Variants in KANSL1 observed in about 807,000 individuals in gnomAD.
The protein encoded by KANSL1 is KAT8 regulatory NSL complex subunit 1.
A neutral mutation model predicts 103.6 loss-of-function variants in KANSL1; 22 were observed. That is an observed-to-expected ratio of 0.21 (90% CI 0.15 to 0.30). The LOEUF (loss-of-function observed/expected upper bound fraction) is 0.30, where lower values mean the gene tolerates loss of function less well. KANSL1 is among the 10% of genes least tolerant of loss of function. KANSL1 has a pLI of 1.00. For missense variants in KANSL1, 1,337 were observed against 1,399.8 expected (o/e 0.96, Z 0.72); for synonymous variants, 600 against 527.6 (o/e 1.14, Z -1.88).
At chr17:46,036,968 G>A (rs1332998204) in intron 10 of KANSL1, among the ~76,000 whole-genome samples, 3 of 152,012 alleles carry the variant, frequency 2.0e-5, no homozygotes, top group African/African-American at 2.4e-5. Context: ...CGCCTCAGCC[G>A]CCTCCCCAAG....
intron 1 of KANSL1, among the ~76,000 whole-genome samples, chr17:46,177,213 T>G (rs534730703): frequency 2.0e-5 from 3 of 152,202 alleles, no homozygotes; most frequent in Non-Finnish European, 4.4e-5. Context: ...ATAAGATACT[T>G]TCAATTACTT....
At chr17:46,201,848 A>C (rs1041427342) in intron 1 of KANSL1, among the ~76,000 whole-genome samples, 2 of 152,190 alleles carry the variant, frequency 1.3e-5, no homozygotes, top group Non-Finnish European at 2.9e-5. Context: ...TCTACCAAAA[A>C]CACAAAAAAT....
chr17:46,134,228 T>G (rs951386097), intron 2 of KANSL1, among the ~76,000 whole-genome samples: 1 of 150,824 alleles, frequency 6.6e-6, no homozygotes, highest in Non-Finnish European at 1.5e-5. Context: ...AGAAACCTTG[T>G]CTCTACTAAA....
intron 2 of KANSL1, among the ~76,000 whole-genome samples, chr17:46,102,495 C>T (rs1366739704): frequency 6.6e-6 from 1 of 152,198 alleles, no homozygotes; most frequent in Non-Finnish European, 1.5e-5. Flanking sequence ...AATGATCCGT[C>T]TGCCTCAGCC....
intron 4 of KANSL1, among the ~76,000 whole-genome samples, chr17:46,081,119 A>G (rs937629038): frequency 6.6e-6 from 1 of 152,232 alleles, no homozygotes; most frequent in Non-Finnish European, 1.5e-5. Context: ...AGGATTAGTA[A>G]CACAATGGAG....
intron 7 of KANSL1, 125 bp from the exon 8 acceptor site, chr17:46,040,009 T>C: frequency 2.6e-6 from 2 of 783,288 alleles, no homozygotes; most frequent in South Asian, 1.7e-5. Context: ...AGTGCTGTCA[T>C]ATGGAAGATC....
At chr17:46,167,279 AAAC>A (rs2046053497) in intron 2 of KANSL1, among the ~76,000 whole-genome samples, 2 of 152,362 alleles carry the variant, frequency 1.3e-5, no homozygotes, top group South Asian at 2.1e-4. Context: ...AGGGAAAAAA[AAAC>A]AACTCTAAGA....
chr17:46,072,631 A>G (rs1420084214), intron 4 of KANSL1, among the ~76,000 whole-genome samples: 2 of 152,176 alleles, frequency 1.3e-5, no homozygotes, highest in Non-Finnish European at 2.9e-5. Flanking sequence ...TCCATTAGCT[A>G]GCACCATGGC....
intron 6 of KANSL1, among the ~76,000 whole-genome samples, chr17:46,061,797 ATAGTTACAGATTG>A (rs1357186824): frequency 6.6e-6 from 1 of 152,050 alleles, no homozygotes; most frequent in African/African-American, 2.4e-5. Flanking sequence ...CCCAAACATA[ATAGTTACAGATTG>A]GCCGGGCGCG....
chr17:46,070,511 C>T (rs1456206964), intron 4 of KANSL1, among the ~76,000 whole-genome samples: 3 of 151,914 alleles, frequency 2.0e-5, no homozygotes. Flanking sequence ...CAGGGGAAAC[C>T]TCAAAAAGGC....
At chr17:46,163,401 C>T (rs1244279155) in intron 2 of KANSL1, among the ~76,000 whole-genome samples, 3 of 152,198 alleles carry the variant, frequency 2.0e-5, no homozygotes, top group Admixed American at 6.5e-5. Context: ...CTCACTTTGT[C>T]GCCCATGCTG....
intron 11 of KANSL1, among the ~76,000 whole-genome samples, 168 bp downstream of exon 11, chr17:46,033,993 T>G (rs996813675): frequency 6.6e-6 from 1 of 152,202 alleles, no homozygotes; most frequent in Admixed American, 6.5e-5. Context: ...TATAATGGAA[T>G]GAGAGAGAAC....
chr17:46,090,177 G>A (rs1432472926), intron 3 of KANSL1, among the ~76,000 whole-genome samples: 1 of 152,196 alleles, frequency 6.6e-6, no homozygotes, highest in Non-Finnish European at 1.5e-5. Flanking sequence ...TGTAGCTACA[G>A]GCCAAGAACA....
intron 2 of KANSL1, among the ~76,000 whole-genome samples, chr17:46,156,597 A>G (rs550914954): frequency 1.3e-5 from 2 of 152,300 alleles, no homozygotes; most frequent in South Asian, 2.1e-4. Flanking sequence ...TTGTTTTTTA[A>G]TTTTTATTTA....
intron 2 of KANSL1, among the ~76,000 whole-genome samples, chr17:46,107,112 A>G (rs1052914791): frequency 1.3e-5 from 2 of 152,230 alleles, no homozygotes; most frequent in African/African-American, 4.8e-5. Context: ...CTTCCAAGAG[A>G]GCAACAAAGA....
At position 46,100,402 on chromosome 17, in the gene KANSL1, A is replaced by G. The variant is rs549285866; in HGVS notation, c.1290-5701T>C. Among the ~76,000 whole-genome samples the G allele has an allele frequency of 3.3e-4, 48 of 146,374 alleles. No homozygotes were observed. In the South Asian group the frequency reaches 9.8e-3, roughly 30 times the overall value. The stretch of plus-strand genomic sequence containing the variant: ...CTGCCGTGGGCCCAGACCACACGCC[A>G]CTGCCCTTCAGCCTGTACAACAGAG... On this transcript the variant is annotated intron_variant, in intron 2 of 14. Transcript: ENST00000432791.
At chr17:46,079,243 A>G (rs1352553838) in intron 4 of KANSL1, among the ~76,000 whole-genome samples, 1 of 152,182 alleles carries the variant, frequency 6.6e-6, no homozygotes, top group Non-Finnish European at 1.5e-5. Flanking sequence ...TAGTTCAATA[A>G]TATCTGTACT....
At chr17:46,123,179 C>A (rs963443825) in intron 2 of KANSL1, among the ~76,000 whole-genome samples, 6 of 152,156 alleles carry the variant, frequency 3.9e-5, no homozygotes, top group African/African-American at 1.2e-4. Context: ...GAGTTTGAGA[C>A]CAGCCTGGCC....
chr17:46,205,379 C>CG (rs1354082575), intron 1 of KANSL1, among the ~76,000 whole-genome samples: 5 of 151,440 alleles, frequency 3.3e-5, no homozygotes, highest in Non-Finnish European at 7.4e-5. Flanking sequence ...CATCCCCCCG[C>CG]CAAAAAAAAA....
Sources: gnomAD v4.1 joint callset for allele counts (sites outside exome capture counted in the v4.1 genomes callset) on GRCh38, gnomAD v4.1.1 for gene constraint, MANE v1.5 for transcripts, NCBI Gene and HGNC (gene_info 2026-07-23, HGNC 2026-07-21) for gene names.